RBFOX3: variants seen among roughly 807,000 people sequenced by gnomAD.
RBFOX3 encodes RNA binding protein fox-1 homolog 3.
A neutral mutation model predicts 48.7 loss-of-function variants in RBFOX3; 17 were observed. That is an observed-to-expected ratio of 0.35 (90% CI 0.24 to 0.52). The LOEUF is 0.52. Ranked by LOEUF, RBFOX3 falls within the 20% of genes least tolerant of loss-of-function variation. The pLI is 0.94. For missense variants in RBFOX3, 382 were observed against 497.5 expected, an observed-to-expected ratio of 0.77 and a Z score of 2.21; for synonymous variants, 212 against 209.5, an observed-to-expected ratio of 1.01 and a Z score of -0.10.
At chr17:79,558,127 T>C (rs1055162916) in intron 1 of RBFOX3, among the ~76,000 whole-genome samples, 23 of 152,242 alleles carry the variant, frequency 1.5e-4, no homozygotes, top group Admixed American at 2.6e-4. Context: ...CAGCTTGTGA[T>C]GTCACACGGG....
intron 1 of RBFOX3, among the ~76,000 whole-genome samples, chr17:79,579,780 G>C (rs1159226936): frequency 6.7e-6 from 1 of 148,602 alleles, no homozygotes; most frequent in Non-Finnish European, 1.5e-5. Context: ...CTGGCGCCGT[G>C]GTGGGGGTGT....
intron 2 of RBFOX3, among the ~76,000 whole-genome samples, chr17:79,411,473 C>T (rs370096796): frequency 5.9e-5 from 9 of 152,314 alleles, no homozygotes; most frequent in South Asian, 4.1e-4. Context: ...CTCAGCTCCA[C>T]GGGCTCCTCC....
intron 3 of RBFOX3, among the ~76,000 whole-genome samples, chr17:79,286,488 G>T (rs1460377991): frequency 6.6e-6 from 1 of 152,168 alleles, no homozygotes; most frequent in East Asian, 1.9e-4. Context: ...AACAGAAAAC[G>T]CTGAGATGGG....
chr17:79,478,592 C>G (rs2078316925), intron 2 of RBFOX3, among the ~76,000 whole-genome samples: 4 of 152,210 alleles, frequency 2.6e-5, no homozygotes, highest in African/African-American at 9.6e-5. Context: ...CTCTGTGTGA[C>G]CCCAACAACG....
chr17:79,174,092 A>G (rs192527643), intron 4 of RBFOX3, among the ~76,000 whole-genome samples: 284 of 152,154 alleles, frequency 1.9e-3, no homozygotes, highest in Middle Eastern at 6.8e-3. Flanking sequence ...CTCAGTCCCA[A>G]ATGGGGAGAA....
At chr17:79,123,302 A>T (rs2036262034) in intron 4 of RBFOX3, among the ~76,000 whole-genome samples, 1 of 152,220 alleles carries the variant, frequency 6.6e-6, no homozygotes, top group African/African-American at 2.4e-5. Context: ...GCATGCCTGT[A>T]TCAAAACATC....
At chr17:79,567,126 T>C (rs2092483826) in intron 1 of RBFOX3, among the ~76,000 whole-genome samples, 1 of 152,050 alleles carries the variant, frequency 6.6e-6, no homozygotes, top group African/African-American at 2.4e-5. Context: ...CTCAACTCTT[T>C]TGAGTTCCCA....
At chr17:79,227,413 G>C (rs920493403) in intron 4 of RBFOX3, among the ~76,000 whole-genome samples, 10 of 152,186 alleles carry the variant, frequency 6.6e-5, no homozygotes, top group African/African-American at 2.4e-4. Context: ...CCTAAGAGGG[G>C]GTGAGTATTG....
intron 1 of RBFOX3, among the ~76,000 whole-genome samples, chr17:79,579,024 C>T (rs1158368488): frequency 4.6e-5 from 7 of 152,344 alleles, no homozygotes; most frequent in Admixed American, 2.6e-4. Flanking sequence ...TCCTGAGCAT[C>T]GTGCTTGGTC....
rs79668974 is a variant in RBFOX3 at position 79,402,260 on chromosome 17, C to T, written c.-175+80194G>A. Among the ~76,000 whole-genome samples the T allele has an allele frequency of 2.8e-3, 431 of 152,356 alleles. 3 individuals are homozygous for T. The highest frequency in any genetic ancestry group is 1.0e-2 in the African/African-American group (414 of 41,578). ...CTTTGCCAGTGCAGAAGAAAACAAA[C>T]GACCTGCGAACTGAATGAAAAATGG... On this transcript the variant is annotated intron_variant, in intron 2 of 14. Coordinates refer to ENST00000693108, the MANE Select transcript of RBFOX3 (RefSeq NM_001350451.2).
chr17:79,579,952 G>A (rs2092999446), intron 1 of RBFOX3, among the ~76,000 whole-genome samples: 1 of 151,092 alleles, frequency 6.6e-6, no homozygotes, highest in African/African-American at 2.4e-5. Context: ...GGGAGTCACA[G>A]GGTTGGGGAG....
At chr17:79,264,218 G>A (rs2148517313) in intron 3 of RBFOX3, among the ~76,000 whole-genome samples, 1 of 151,982 alleles carries the variant, frequency 6.6e-6, no homozygotes, top group East Asian at 1.9e-4. Context: ...TGGGATTACA[G>A]GCACCTGCCA....
Position 79,149,465 on chromosome 17 carries a change from C to A in RBFOX3, c.-33-33717G>T, listed in dbSNP as rs561877200. Among the ~76,000 whole-genome samples, 151 of 152,242 alleles carry A rather than the reference C, an allele frequency of 9.9e-4. 1 individual carries two copies. Among genetic ancestry groups the A allele is most frequent in the Non-Finnish European group, 1.6e-3 (106 of 68,016 alleles). The stretch of plus-strand genomic sequence containing the variant: ...TTGCTGTCCTGGGGGAGGAGCAGGG[C>A]TGGACACGAGAGTGGACCTGGCCTC... On this transcript the variant is annotated intron_variant, in intron 4 of 14. Coordinates refer to ENST00000693108, the MANE Select transcript of RBFOX3 (RefSeq NM_001350451.2).
chr17:79,662,093 TG>T, the RBFOX3 span, among the ~76,000 whole-genome samples: 11 of 141,090 alleles, frequency 7.8e-5, no homozygotes, highest in African/African-American at 2.8e-4. Context: ...GATTTTTTTT[TG>T]ATACAGTGTG....
At chr17:79,245,183 C>T (rs2062985566) in intron 3 of RBFOX3, among the ~76,000 whole-genome samples, 1 of 151,952 alleles carries the variant, frequency 6.6e-6, no homozygotes, top group Non-Finnish European at 1.5e-5. Context: ...AGTGATCCTC[C>T]CACCTCAGCC....
intron 1 of RBFOX3, among the ~76,000 whole-genome samples, chr17:79,492,334 C>T (rs8068859): frequency 0.36 from 54,372 of 152,124 alleles, 10,471 homozygotes; most frequent in Non-Finnish European, 0.43. Flanking sequence ...CATACCAGCA[C>T]TGGTCTGTGT....
intron 2 of RBFOX3, among the ~76,000 whole-genome samples, chr17:79,405,100 G>A (rs539730979): frequency 9.2e-5 from 14 of 152,196 alleles, no homozygotes; most frequent in African/African-American, 2.9e-4. Context: ...AGCCCTTTAC[G>A]TATTCATCTT....
intron 2 of RBFOX3, among the ~76,000 whole-genome samples, chr17:79,358,305 G>A (rs1568104864): frequency 6.6e-6 from 1 of 152,066 alleles, no homozygotes; most frequent in Non-Finnish European, 1.5e-5. Flanking sequence ...GGAAGGTAGT[G>A]AGCTAGAGCC....
the RBFOX3 span, among the ~76,000 whole-genome samples, chr17:79,624,726 T>C: frequency 6.6e-6 from 1 of 152,180 alleles, no homozygotes; most frequent in Non-Finnish European, 1.5e-5. Flanking sequence ...GACCCTCCAC[T>C]CACAGGCAGC....
Sources: allele counts gnomAD v4.1 joint callset (sites outside exome capture counted in the v4.1 genomes callset), GRCh38; gene constraint gnomAD v4.1.1; transcripts MANE v1.5; gene names NCBI Gene and HGNC (gene_info 2026-07-23, HGNC 2026-07-21).